BEX4: variants seen among roughly 807,000 people sequenced by gnomAD.
BEX4 encodes the protein brain expressed X-linked 4.
For synonymous variants in BEX4, 37 were observed against 33.5 expected (o/e 1.11, Z -0.36); for missense variants, 110 against 96.5 (o/e 1.14, Z -0.59).
At position 103,216,601 on chromosome X, in the gene BEX4, G is replaced by T; in HGVS notation, c.*85G>T. Reference sequence around the variant, plus strand: ...GATTTACTTTTTCTGTAAGCCTTTTGGGGTTTACACTTACCAGTTTCTAAT... The same window carrying T: ...GATTTACTTTTTCTGTAAGCCTTTTTGGGTTTACACTTACCAGTTTCTAAT... On this transcript the variant is annotated 3_prime_UTR_variant, in exon 3 of 3. Coordinates refer to ENST00000372695, the MANE Select transcript of BEX4 (RefSeq NM_001080425.4). 1 of 990,175 alleles carries T rather than the reference G, an allele frequency of 1.0e-6. No individual in the cohort carries two copies. Among genetic ancestry groups the T allele is most frequent in the Non-Finnish European group, 1.4e-6 (1 of 733,693 alleles). 81.6% of individuals were successfully genotyped at this position (990,175 alleles called of 1,213,427 possible).
Position 103,217,174 on chromosome X carries a change from CAAT to C in BEX4, c.*661_*663del, listed in dbSNP as rs1255277332. 1.6e-5 allele frequency: 2 copies of C among 122,283 alleles called. No individual in the cohort carries two copies. The highest frequency in any genetic ancestry group is 3.8e-5 in the Non-Finnish European group (2 of 53,129). 10.1% of individuals were successfully genotyped at this position (122,283 alleles called of 1,213,427 possible). A position where few individuals can be genotyped will look rare whatever the true frequency, so the allele number is the denominator to read the frequency against. ...ATATATAATGTGTCATAACCGTAAA[CAAT>C]AAACAATATCAAGATAAATCTGACT... On this transcript the variant is annotated 3_prime_UTR_variant, in exon 3 of 3. Transcript: ENST00000372695.
chrX:103,216,135 C>G lies in BEX4; in HGVS notation c.-5-14C>G. 8.9e-7 allele frequency: 1 copy of G among 1,129,531 alleles called. No individual in the cohort carries two copies. The highest frequency in any genetic ancestry group is 1.2e-6 in the Non-Finnish European group (1 of 857,551). The allele number at this position is 1,129,531 out of a possible 1,213,427, so 93.1% of individuals were successfully genotyped here. The stretch of plus-strand genomic sequence containing the variant: ...ACCAAGAATTCAGCCCATTTTCTCT[C>G]TCTTGTCTCCTAGGAGTAATGGAGT... On this transcript the variant is annotated splice_polypyrimidine_tract_variant and intron_variant, in intron 2 of 2. Transcript: ENST00000372695.
At position 103,216,388 on chromosome X, in the gene BEX4, G is replaced by T. The variant is rs1179783541; in HGVS notation, c.235G>T (p.Asp79Tyr). Residue 79 changes from aspartate to tyrosine, a missense_variant, in exon 3 of 3, where the codon GAT becomes TAT. Physicochemically the swap from Asp to Tyr is radical, Grantham distance 160 (BLOSUM62 -3). Transcript: ENST00000372695. ...TATTGAGCACAATGAAGCGAGAGAT[G>T]ATGTAGAAAGGTTTGTAGGGCAGAT... The part of the protein sequence containing the change: ...RHIEHNEARD[D>Y]VERFVGQMME... 8.3e-7 allele frequency: 1 copy of T among 1,211,726 alleles called. No homozygotes were observed. The highest frequency in any genetic ancestry group is 1.7e-5 in the African/African-American group (1 of 57,744).
chrX:103,215,530 C>A (rs764521238), intron 1 of BEX4, among the ~76,000 whole-genome samples, 152 bp from the exon 2 acceptor site: 2 of 91,584 alleles, frequency 2.2e-5, no homozygotes, highest in African/African-American at 3.9e-5. Flanking sequence ...GCTTGCGGGG[C>A]GGGGCGGCTG....
chrX:103,216,272 G>C lies in BEX4; in HGVS notation c.119G>C (p.Gly40Ala), dbSNP rs1359717194. The change falls in exon 3 of 3, where the codon GGG (glycine) becomes GCG (alanine). Residue 40 changes from glycine (G) to alanine (A), a missense_variant. Gly to Ala is a moderately conservative substitution (Grantham distance 60). Coordinates refer to ENST00000372695, the MANE Select transcript of BEX4 (RefSeq NM_001080425.4). ...QNEEESRHLG[G>A]GEGQKPGGNI... Reference sequence around the variant, plus strand: ...GAAGAAGAATCCCGCCATTTGGGAGGGGGTGAAGGCCAGAAGCCTGGAGGA... The same window carrying C: ...GAAGAAGAATCCCGCCATTTGGGAGCGGGTGAAGGCCAGAAGCCTGGAGGA... 2 of 1,202,756 alleles carry C rather than the reference G, an allele frequency of 1.7e-6. No homozygotes were observed. Among genetic ancestry groups the C allele is most frequent in the Non-Finnish European group, 2.2e-6 (2 of 890,045 alleles).
At position 103,216,495 on chromosome X, in the gene BEX4, T is replaced by C. The variant is rs190333695; in HGVS notation, c.342T>C (p.Tyr114=). The change falls in exon 3 of 3, where the codon TAT becomes TAC. Residue 114 remains tyrosine (Y), a synonymous_variant. Coordinates refer to ENST00000372695, the MANE Select transcript of BEX4 (RefSeq NM_001080425.4). The part of the protein sequence containing the change: ...RFQTPEPDNH[Y]DFCLIP ...AAACTCCTGAACCTGACAACCATTATGACTTTTGCCTCATACCTTGAATCC... is the reference window on the plus strand; with the variant it reads ...AAACTCCTGAACCTGACAACCATTACGACTTTTGCCTCATACCTTGAATCC... 1.8e-5 allele frequency: 22 copies of C among 1,207,308 alleles called. No homozygotes were observed. In the African/African-American group the frequency reaches 3.8e-4, roughly 21 times the overall value.
Position 103,216,499 on chromosome X carries a change from T to C in BEX4, c.346T>C (p.Phe116Leu). Reference protein sequence around the residue: ...QTPEPDNHYDFCLIP With the variant: ...QTPEPDNHYDLCLIP ...TCCTGAACCTGACAACCATTATGAC[T>C]TTTGCCTCATACCTTGAATCCTAAA... The change falls in exon 3 of 3, where the codon TTT becomes CTT. Residue 116 changes from phenylalanine (F) to leucine (L), a missense_variant. Phe to Leu is a conservative substitution (Grantham distance 22, BLOSUM62 0). Coordinates refer to ENST00000372695, the MANE Select transcript of BEX4 (RefSeq NM_001080425.4). 8 of 1,206,154 alleles carry C rather than the reference T, an allele frequency of 6.6e-6. No individual in the cohort carries two copies. Among genetic ancestry groups the C allele is most frequent in the Non-Finnish European group, 9.0e-6 (8 of 892,735 alleles).
chrX:103,215,535 CGGCTGAGGCGGGGGGCGA>C, intron 1 of BEX4, 129 bp from the exon 2 acceptor site: 1 of 380,207 alleles, frequency 2.6e-6, no homozygotes, highest in Non-Finnish European at 3.6e-6. Context: ...CGGGGCGGGG[CGGCTGAGGCGGGGGGCGA>C]GGGTGGCGAG....
chrX:103,216,544 G>A lies in BEX4; in HGVS notation c.*28G>A, dbSNP rs750408698. The A allele has an allele frequency of 8.5e-7, 1 of 1,169,722 alleles. No homozygotes were observed. Among genetic ancestry groups the A allele is most frequent in the East Asian group, 3.0e-5 (1 of 33,215 alleles). ...CCTAAAAGTTTTCGCTGAGGTTAAT[G>A]TGAACACTGCTTTACAAGCTTGTAT... On this transcript the variant is annotated 3_prime_UTR_variant, in exon 3 of 3. Transcript: ENST00000372695.
intron 2 of BEX4, 73 bp downstream of exon 2, chrX:103,215,837 C>G: frequency 1.3e-5 from 9 of 711,794 alleles, no homozygotes; most frequent in Non-Finnish European, 1.6e-5. Flanking sequence ...CTAATCCATG[C>G]CTTCACCCTC....
In BEX4 at chrX:103,216,420, A is replaced by G; in HGVS notation, c.267A>G (p.Glu89=). 1 of 1,211,817 alleles carries G rather than the reference A, an allele frequency of 8.3e-7. No individual in the cohort carries two copies. The highest frequency in any genetic ancestry group is 1.1e-6 in the Non-Finnish European group (1 of 895,486). The change falls in exon 3 of 3, where the codon GAA becomes GAG. Residue 89 remains glutamate (E), a synonymous_variant. Transcript: ENST00000372695. The part of the protein sequence containing the change: ...DVERFVGQMM[E]IKRKTREQQM... ...AAAGGTTTGTAGGGCAGATGATGGA[A>G]ATCAAGAGAAAGACTAGGGAACAGC...
At position 103,217,086 on chromosome X, in the gene BEX4, G is replaced by A. The variant is rs1602941609; in HGVS notation, c.*570G>A. On this transcript the variant is annotated 3_prime_UTR_variant, in exon 3 of 3. Coordinates refer to ENST00000372695, the MANE Select transcript of BEX4 (RefSeq NM_001080425.4). ...AAACTCTCTTAAGTAATTCTGATGT[G>A]TACCAAAATCAGTGCCATTGGTGTG... is the stretch of plus-strand genomic sequence containing the variant. 2 of 123,157 alleles carry A rather than the reference G, an allele frequency of 1.6e-5. No homozygotes were observed. Among genetic ancestry groups the A allele is most frequent in the Non-Finnish European group, 3.7e-5 (2 of 53,442 alleles). 10.1% of individuals were successfully genotyped at this position (123,157 alleles called of 1,213,427 possible).
Position 103,216,399 on chromosome X carries a change from G to A in BEX4, c.246G>A (p.Arg82=). 2.5e-6 allele frequency: 3 copies of A among 1,211,787 alleles called. No individual in the cohort carries two copies. Among genetic ancestry groups the A allele is most frequent in the Non-Finnish European group, 3.3e-6 (3 of 895,557 alleles). The change falls in exon 3 of 3, where the codon AGG becomes AGA. Residue 82 remains arginine, a synonymous_variant. Coordinates refer to ENST00000372695, the MANE Select transcript of BEX4 (RefSeq NM_001080425.4). ...EHNEARDDVE[R]FVGQMMEIKR... ...ATGAAGCGAGAGATGATGTAGAAAG[G>A]TTTGTAGGGCAGATGATGGAAATCA... is the stretch of plus-strand genomic sequence containing the variant.
chrX:103,215,959 G>A (rs1259321225), intron 2 of BEX4, among the ~76,000 whole-genome samples, 190 bp from the exon 3 acceptor site: 1 of 111,325 alleles, frequency 9.0e-6, no homozygotes. Context: ...TGGGCTTTGC[G>A]GAAGGGAGGG....
chrX:103,216,688 C>A lies in BEX4; in HGVS notation c.*172C>A. 5.9e-6 allele frequency: 3 copies of A among 506,845 alleles called. No homozygotes were observed. Among genetic ancestry groups the A allele is most frequent in the Non-Finnish European group, 6.1e-6 (2 of 326,461 alleles). The allele number at this position is 506,845 out of a possible 1,213,427, so 41.8% of individuals were successfully genotyped here. A position where few individuals can be genotyped will look rare whatever the true frequency, so the allele number is the denominator to read the frequency against. On this transcript the variant is annotated 3_prime_UTR_variant, in exon 3 of 3. Coordinates refer to ENST00000372695, the MANE Select transcript of BEX4 (RefSeq NM_001080425.4). The stretch of plus-strand genomic sequence containing the variant: ...AGCCTAAAAGTTACGGTCAGCATGG[C>A]AATTCACCTATTTTAGGAAAAATAC...
chrX:103,216,144 C>T lies in BEX4; in HGVS notation c.-5-5C>T, dbSNP rs943595788. On this transcript the variant is annotated splice_region_variant and splice_polypyrimidine_tract_variant and intron_variant, in intron 2 of 2. Transcript: ENST00000372695. The stretch of plus-strand genomic sequence containing the variant: ...TCAGCCCATTTTCTCTCTCTTGTCT[C>T]CTAGGAGTAATGGAGTCCAAAGAGG... 5.3e-6 allele frequency: 6 copies of T among 1,131,208 alleles called. No individual in the cohort carries two copies. In the African/African-American group the frequency reaches 9.3e-5, roughly 17 times the overall value. The allele number at this position is 1,131,208 out of a possible 1,213,427, so 93.2% of individuals were successfully genotyped here.
At chrX:103,215,349 C>A in intron 1 of BEX4, 111 bp downstream of exon 1, 1 of 546,724 alleles carries the variant, frequency 1.8e-6, no homozygotes, top group Non-Finnish European at 2.2e-6. Flanking sequence ...GCGATGCAGC[C>A]CCCGGGCCCC....
In BEX4 at chrX:103,215,685, G is replaced by T; in HGVS notation, c.-85G>T. 1.1e-6 allele frequency: 1 copy of T among 900,461 alleles called. No individual in the cohort carries two copies. Among genetic ancestry groups the T allele is most frequent in the Non-Finnish European group, 1.4e-6 (1 of 726,106 alleles). 74.2% of individuals were successfully genotyped at this position (900,461 alleles called of 1,213,427 possible). Reference sequence around the variant, plus strand: ...CCCACTTCCCCCACCCCGGCAGTCTGCAGGTCTGCGGGGCTAAGTGTCGCG... The same window carrying T: ...CCCACTTCCCCCACCCCGGCAGTCTTCAGGTCTGCGGGGCTAAGTGTCGCG... On this transcript the variant is annotated 5_prime_UTR_variant, in exon 2 of 3. Transcript: ENST00000372695.
intron 2 of BEX4, 90 bp downstream of exon 2, chrX:103,215,854 C>T: frequency 3.0e-6 from 2 of 665,532 alleles, no homozygotes; most frequent in Non-Finnish European, 3.8e-6. Context: ...CCTCGCCCCC[C>T]TCTACCCCAT....
Sources: allele counts gnomAD v4.1 joint callset (sites outside exome capture counted in the v4.1 genomes callset), GRCh38; gene constraint gnomAD v4.1.1; transcripts MANE v1.5; gene names NCBI Gene and HGNC (gene_info 2026-07-23, HGNC 2026-07-21).